Variants in MACROD2 observed in about 807,000 individuals in gnomAD.
The protein encoded by MACROD2 is ADP-ribose glycohydrolase MACROD2.
MACROD2 carries 36 observed loss-of-function variants against 70.4 expected under a neutral mutation model. The ratio of observed to expected loss-of-function variants is 0.51; its 90% confidence interval spans 0.39 to 0.68. The LOEUF (loss-of-function observed/expected upper bound fraction) is 0.68. MACROD2 is among the 30% of genes least tolerant of loss of function. MACROD2 has a pLI of 0.00. For synonymous variants in MACROD2, 172 were observed against 178.8 expected (o/e 0.96, Z 0.30); for missense variants, 496 against 538.4 (o/e 0.92, Z 0.78).
chr20:15,481,593 T>C (rs1334588385), intron 7 of MACROD2, among the ~76,000 whole-genome samples: 1 of 144,394 alleles, frequency 6.9e-6, no homozygotes, highest in African/African-American at 2.9e-5. Flanking sequence ...CTGCATTACA[T>C]AAATAAATAT....
chr20:14,255,053 T>C (rs1464281232), intron 3 of MACROD2, among the ~76,000 whole-genome samples: 2 of 152,186 alleles, frequency 1.3e-5, no homozygotes, highest in Admixed American at 1.3e-4. Context: ...TTTAAGAATG[T>C]TGAATATTGG....
intron 4 of MACROD2, among the ~76,000 whole-genome samples, chr20:14,532,363 G>A (rs897915775): frequency 1.3e-5 from 2 of 150,154 alleles, no homozygotes; most frequent in Admixed American, 6.6e-5. Flanking sequence ...GACTACAGGC[G>A]CCCGCCACCA....
chr20:15,563,400 T>C (rs1289339598), intron 8 of MACROD2, among the ~76,000 whole-genome samples: 1 of 152,214 alleles, frequency 6.6e-6, no homozygotes, highest in African/African-American at 2.4e-5. Flanking sequence ...ATATGCCTAG[T>C]TCCTGGTGTC....
chr20:14,086,864 A>AG (rs1282506236), intron 3 of MACROD2, among the ~76,000 whole-genome samples: 1 of 152,186 alleles, frequency 6.6e-6, no homozygotes, highest in Non-Finnish European at 1.5e-5. Context: ...ACAAAAGGGT[A>AG]GGGGTAATTT....
At chr20:15,981,329 T>C (rs953634093) in intron 13 of MACROD2, among the ~76,000 whole-genome samples, 9 of 152,230 alleles carry the variant, frequency 5.9e-5, no homozygotes, top group Admixed American at 4.6e-4. Context: ...GGTATCGTTA[T>C]ACAGTTTTTG....
intron 6 of MACROD2, among the ~76,000 whole-genome samples, chr20:15,282,185 G>A (rs914273024): frequency 4.6e-5 from 7 of 152,160 alleles, no homozygotes; most frequent in African/African-American, 1.7e-4. Context: ...CCTCTGTGTT[G>A]TTTGTGATGG....
At chr20:15,039,272 T>C (rs2075337044) in intron 5 of MACROD2, among the ~76,000 whole-genome samples, 1 of 152,208 alleles carries the variant, frequency 6.6e-6, no homozygotes, top group Admixed American at 6.5e-5. Flanking sequence ...GTTCACATTC[T>C]TCTTGGCCTC....
rs528988187 is a variant in MACROD2 at position 15,334,085 on chromosome 20, A to T, written c.541-97320A>T. 4.8e-4 allele frequency among the ~76,000 whole-genome samples: 73 copies of T among 151,764 alleles called. 1 individual carries two copies. The highest frequency in any genetic ancestry group is 1.7e-3 in the African/African-American group (70 of 41,110). Reference sequence around the variant, plus strand: ...GAAAAGCTCTTCCCAAAACAGAGGGACACAAGTTCTTTGTCCCCTGTTCCC... The same window carrying T: ...GAAAAGCTCTTCCCAAAACAGAGGGTCACAAGTTCTTTGTCCCCTGTTCCC... On this transcript the variant is annotated intron_variant, in intron 6 of 17. Coordinates refer to ENST00000684519, the MANE Select transcript of MACROD2 (RefSeq NM_001351661.2).
chr20:15,725,084 A>C (rs2050842046), intron 8 of MACROD2, among the ~76,000 whole-genome samples: 1 of 152,168 alleles, frequency 6.6e-6, no homozygotes, highest in African/African-American at 2.4e-5. Context: ...TCCATCTCAA[A>C]AAACAAACAA....
chr20:15,441,569 A>G (rs181158590), intron 7 of MACROD2, among the ~76,000 whole-genome samples: 420 of 152,298 alleles, frequency 2.8e-3, no homozygotes, highest in Middle Eastern at 6.8e-3. Flanking sequence ...ATATGCATGG[A>G]AGAAACTTGT....
At chr20:14,749,371 A>C (rs1314381040) in intron 5 of MACROD2, among the ~76,000 whole-genome samples, 1 of 152,002 alleles carries the variant, frequency 6.6e-6, no homozygotes, top group African/African-American at 2.4e-5. Flanking sequence ...ATATTTCCTA[A>C]TATACTAAAA....
At chr20:14,390,986 A>AC (rs1568590925) in intron 3 of MACROD2, among the ~76,000 whole-genome samples, 1 of 152,126 alleles carries the variant, frequency 6.6e-6, no homozygotes, top group Admixed American at 6.6e-5. Context: ...GATGCTGGCA[A>AC]GGTTGTGGAG....
At chr20:14,164,966 T>C (rs1417503480) in intron 3 of MACROD2, among the ~76,000 whole-genome samples, 1 of 152,166 alleles carries the variant, frequency 6.6e-6, no homozygotes, top group Non-Finnish European at 1.5e-5. Context: ...TGAAAATGCA[T>C]GACCCTTCTG....
chr20:14,317,058 G>GA (rs1568551817), intron 3 of MACROD2, among the ~76,000 whole-genome samples: 4 of 152,170 alleles, frequency 2.6e-5, no homozygotes, highest in African/African-American at 7.2e-5. Context: ...CTTGATCACT[G>GA]AGTGTAAGTC....
intron 8 of MACROD2, among the ~76,000 whole-genome samples, chr20:15,822,093 C>A (rs1161732170): frequency 6.6e-6 from 1 of 152,122 alleles, no homozygotes; most frequent in African/African-American, 2.4e-5. Flanking sequence ...AACAAGTAGC[C>A]TCATTAATCA....
intron 9 of MACROD2, among the ~76,000 whole-genome samples, chr20:15,871,873 G>A (rs555996497): frequency 6.6e-6 from 1 of 152,264 alleles, no homozygotes; most frequent in South Asian, 2.1e-4. Context: ...TGAGAAATAG[G>A]ATAGATTCTA....
At chr20:15,986,968 G>A (rs969988807) in intron 14 of MACROD2, 98 bp from the exon 15 acceptor site, 3 of 1,231,076 alleles carry the variant, frequency 2.4e-6, no homozygotes, top group Non-Finnish European at 2.3e-6. Flanking sequence ...CTTGAAGGGG[G>A]AAAAAAGAAC....
chr20:14,456,114 A>G (rs892233568), intron 3 of MACROD2, among the ~76,000 whole-genome samples: 1 of 151,832 alleles, frequency 6.6e-6, no homozygotes, highest in Non-Finnish European at 1.5e-5. Context: ...AGGTAATAGC[A>G]TATTAATAAG....
chr20:15,205,737 C>T (rs2076695926), intron 5 of MACROD2, among the ~76,000 whole-genome samples: 1 of 152,186 alleles, frequency 6.6e-6, no homozygotes. Context: ...GGGATGGAAA[C>T]TTGTTAATTT....
Sources: gnomAD v4.1 joint callset for allele counts (sites outside exome capture counted in the v4.1 genomes callset) on GRCh38, gnomAD v4.1.1 for gene constraint, MANE v1.5 for transcripts, NCBI Gene and HGNC (gene_info 2026-07-23, HGNC 2026-07-21) for gene names.